The following DPP6 variants were observed in gnomAD, a reference collection of about 807,000 sequenced individuals.
DPP6 encodes the protein dipeptidyl peptidase like 6.
Under a neutral mutation model 122.6 loss-of-function variants are expected in DPP6, and 69 were observed. That is an observed-to-expected ratio of 0.56 (90% CI 0.46 to 0.69). DPP6 has a LOEUF of 0.69. Ranked by LOEUF, DPP6 falls within the 30% of genes least tolerant of loss-of-function variation. The pLI, the probability that DPP6 is intolerant of heterozygous loss-of-function variation, is 0.00. For missense variants in DPP6, 928 were observed against 1,116.9 expected, an observed-to-expected ratio of 0.83 and a Z score of 2.41; for synonymous variants, 418 against 433.1, an observed-to-expected ratio of 0.97 and a Z score of 0.43.
intron 5 of DPP6, among the ~76,000 whole-genome samples, chr7:154,593,312 C>T (rs895055046): frequency 3.9e-5 from 6 of 152,190 alleles, no homozygotes; most frequent in African/African-American, 9.6e-5. Flanking sequence ...ACTGAATAAT[C>T]GTGCATTTTG....
intron 1 of DPP6, among the ~76,000 whole-genome samples, chr7:153,927,209 A>G (rs1371833700): frequency 1.3e-5 from 2 of 152,184 alleles, no homozygotes; most frequent in Non-Finnish European, 2.9e-5. Context: ...ACTACTCAGA[A>G]GGCTGAGGTG....
the DPP6 span, among the ~76,000 whole-genome samples, chr7:153,839,990 A>C: frequency 3.3e-5 from 5 of 152,202 alleles, no homozygotes; most frequent in African/African-American, 1.2e-4. Flanking sequence ...GAGATGTGTG[A>C]TTTTGGCTTT....
chr7:154,059,071 C>T (rs369452969), intron 1 of DPP6: 4 of 147,252 alleles, frequency 2.7e-5, no homozygotes, highest in African/African-American at 7.9e-5. Flanking sequence ...AGAGCCAGTC[C>T]CTCTTCCCCC....
chr7:153,895,711 C>T (rs1481479059), intron 1 of DPP6, among the ~76,000 whole-genome samples: 1 of 140,326 alleles, frequency 7.1e-6, no homozygotes, highest in African/African-American at 2.7e-5. Flanking sequence ...ACACCATATA[C>T]ATGCATGTGC....
intron 1 of DPP6, among the ~76,000 whole-genome samples, chr7:153,919,035 C>T (rs1007766494): frequency 6.6e-6 from 1 of 150,780 alleles, no homozygotes; most frequent in African/African-American, 2.4e-5. Flanking sequence ...ATCCTGTGTG[C>T]CTCGGTACAG....
At chr7:154,512,403 G>A (rs1320014046) in intron 3 of DPP6, among the ~76,000 whole-genome samples, 1 of 152,098 alleles carries the variant, frequency 6.6e-6, no homozygotes, top group Non-Finnish European at 1.5e-5. Flanking sequence ...TAATTCTAAT[G>A]GTAATTTTTC....
intron 1 of DPP6, among the ~76,000 whole-genome samples, chr7:154,389,421 G>A (rs930027509): frequency 2.0e-5 from 3 of 149,934 alleles, no homozygotes; most frequent in African/African-American, 7.3e-5. Context: ...AGCTCAACAA[G>A]TGCTTCTGAT....
intron 1 of DPP6, among the ~76,000 whole-genome samples, chr7:154,173,480 A>T (rs891479085): frequency 6.6e-6 from 1 of 152,030 alleles, no homozygotes; most frequent in African/African-American, 2.4e-5. Flanking sequence ...TTTCACCCTA[A>T]CAAGGCCGTG....
chr7:154,077,606 C>T (rs1014274131), intron 1 of DPP6, among the ~76,000 whole-genome samples: 2 of 151,818 alleles, frequency 1.3e-5, no homozygotes, highest in African/African-American at 2.4e-5. Context: ...TTCAAAAATG[C>T]TTCCTAGGAG....
At chr7:154,812,632 C>T (rs900067819) in intron 16 of DPP6, among the ~76,000 whole-genome samples, 4 of 152,092 alleles carry the variant, frequency 2.6e-5, no homozygotes, top group Non-Finnish European at 1.5e-5. Context: ...ACTCTTGGGA[C>T]CTAATCACCT....
intron 4 of DPP6, among the ~76,000 whole-genome samples, chr7:154,550,748 CTTTTTT>C (rs35197365): frequency 1.6e-5 from 2 of 126,840 alleles, no homozygotes; most frequent in Admixed American, 8.1e-5. Context: ...AATTTTAGTT[CTTTTTT>C]TTTTTTTTTT....
chr7:154,346,715 G>A (rs1563520245), intron 1 of DPP6, among the ~76,000 whole-genome samples: 1 of 152,164 alleles, frequency 6.6e-6, no homozygotes, highest in Non-Finnish European at 1.5e-5. Flanking sequence ...CACCAAGCAG[G>A]TGTTCATGCC....
At chr7:153,773,906 TA>T in the DPP6 span, among the ~76,000 whole-genome samples, 1 of 150,246 alleles carries the variant, frequency 6.7e-6, no homozygotes, top group African/African-American at 2.4e-5. Flanking sequence ...GAAAATCAAT[TA>T]AACCGAAAGC....
chr7:154,185,946 A>T (rs530160672), intron 1 of DPP6, among the ~76,000 whole-genome samples: 3 of 152,348 alleles, frequency 2.0e-5, no homozygotes, highest in African/African-American at 7.2e-5. Context: ...AGTAAGCAAG[A>T]AGATATTAAA....
chr7:154,446,424 A>C lies in DPP6; in HGVS notation c.358+96A>C, dbSNP rs1819879422. On this transcript the variant is annotated intron_variant, in intron 2 of 25. Coordinates refer to ENST00000377770, the MANE Select transcript of DPP6 (RefSeq NM_130797.4). ...TTTCTAAGTAACTACCTATTACATA[A>C]TTTATTTTTCCCAAGTTCTAATTCT... The C allele has an allele frequency of 8.2e-6, 6 of 732,588 alleles. No homozygotes were observed. The South Asian group carries it at 1.3e-4, about 15-fold the overall frequency. The allele number at this position is 732,588 out of a possible 1,614,324, so 45.4% of individuals were successfully genotyped here. A position where few individuals can be genotyped will look rare whatever the true frequency, so the allele number is the denominator to read the frequency against.
At chr7:153,808,967 C>G in the DPP6 span, among the ~76,000 whole-genome samples, 4 of 152,084 alleles carry the variant, frequency 2.6e-5, no homozygotes, top group South Asian at 8.3e-4. Flanking sequence ...TTTGTGGAAC[C>G]TCCATACTAC....
At chr7:154,263,694 A>T (rs1803182169) in intron 1 of DPP6, among the ~76,000 whole-genome samples, 1 of 151,790 alleles carries the variant, frequency 6.6e-6, no homozygotes, top group African/African-American at 2.4e-5. Context: ...TATTATTATT[A>T]TTATTATTTT....
At chr7:154,691,772 C>T (rs536184365) in intron 7 of DPP6, among the ~76,000 whole-genome samples, 9 of 151,632 alleles carry the variant, frequency 5.9e-5, no homozygotes, top group African/African-American at 9.7e-5. Flanking sequence ...TGAGCCAAGA[C>T]GGTGCCACTG....
chr7:154,803,834 T>C, intron 13 of DPP6, 30 bp from the exon 14 acceptor site: 1 of 1,606,820 alleles, frequency 6.2e-7, no homozygotes, highest in Non-Finnish European at 8.5e-7. Flanking sequence ...CACCGGTGTC[T>C]GCTCCTGATG....
Sources: allele counts gnomAD v4.1 joint callset (sites outside exome capture counted in the v4.1 genomes callset), GRCh38; gene constraint gnomAD v4.1.1; transcripts MANE v1.5; gene names NCBI Gene and HGNC (gene_info 2026-07-23, HGNC 2026-07-21).